Variants in CLSTN2 observed in about 807,000 individuals in gnomAD.
The protein encoded by CLSTN2 is calsyntenin-2.
CLSTN2 carries 48 observed loss-of-function variants against 101.2 expected under a neutral mutation model. That is an observed-to-expected ratio of 0.47 (90% CI 0.38 to 0.60). The LOEUF (loss-of-function observed/expected upper bound fraction) is 0.60. Among genes scored for constraint, CLSTN2 ranks in the 20% least tolerant of loss-of-function variants. CLSTN2 has a pLI of 0.00. For synonymous variants in CLSTN2, 481 were observed against 463.6 expected, an observed-to-expected ratio of 1.04 and a Z score of -0.48; for missense variants, 1,160 against 1,238.2, an observed-to-expected ratio of 0.94 and a Z score of 0.95.
intron 8 of CLSTN2, among the ~76,000 whole-genome samples, chr3:140,502,438 CTTAGGCATGCAGAAGCCACCA>C (rs1266579498): frequency 2.0e-5 from 3 of 152,196 alleles, no homozygotes; most frequent in South Asian, 4.1e-4. Context: ...CTTGGGGAGT[CTTAGGCATGCAGAAGCCACCA>C]AGCAGAGGTG....
intron 2 of CLSTN2, among the ~76,000 whole-genome samples, chr3:140,387,644 G>A (rs954661247): frequency 6.6e-6 from 1 of 151,986 alleles, no homozygotes; most frequent in Non-Finnish European, 1.5e-5. Context: ...GCAGGTATGG[G>A]GTTACAGAAA....
chr3:140,563,201 C>T lies in CLSTN2; in HGVS notation c.2480C>T (p.Ser827Leu), dbSNP rs1320967028. ...TCCCGGAGTAGCATCCAGCACAGTT[C>T]AGGTAGGGTGCCCAAGAGGAGGGAC... The part of the protein sequence containing the change: ...PESRSSIQHS[S>L]VVPSIATVVI... Residue 827 changes from serine (S) to leucine (L), a missense_variant and splice_region_variant, in exon 15 of 17, where the codon TCA becomes TTA. Physicochemically the swap from Ser to Leu is moderately radical, Grantham distance 145 (BLOSUM62 -2). Coordinates refer to ENST00000458420, the MANE Select transcript of CLSTN2 (RefSeq NM_022131.3). 6.2e-7 allele frequency: 1 copy of T among 1,613,636 alleles called. No homozygotes were observed. Among genetic ancestry groups the T allele is most frequent in the Non-Finnish European group, 8.5e-7 (1 of 1,179,840 alleles).
intron 1 of CLSTN2, among the ~76,000 whole-genome samples, chr3:140,162,207 C>G (rs1329292292): frequency 1.3e-5 from 2 of 152,092 alleles, no homozygotes; most frequent in Non-Finnish European, 2.9e-5. Flanking sequence ...CTTGTGAACC[C>G]CTGAAAGGGT....
chr3:139,982,650 C>T (rs1935950516), intron 1 of CLSTN2, among the ~76,000 whole-genome samples: 2 of 152,164 alleles, frequency 1.3e-5, no homozygotes, highest in African/African-American at 2.4e-5. Context: ...TCTGTAGTTT[C>T]ACTGTGTTGC....
intron 6 of CLSTN2, among the ~76,000 whole-genome samples, chr3:140,457,087 G>A (rs755259191): frequency 7.9e-5 from 12 of 152,180 alleles, no homozygotes; most frequent in Non-Finnish European, 1.8e-4. Flanking sequence ...AGGACCCTCT[G>A]GTGGTGGAGT....
intron 2 of CLSTN2, among the ~76,000 whole-genome samples, chr3:140,190,797 A>G (rs1248462113): frequency 6.6e-6 from 1 of 152,108 alleles, no homozygotes. Flanking sequence ...GCTGAATTTA[A>G]TAGTTCTAGA....
At chr3:140,215,821 G>C (rs1209960405) in intron 2 of CLSTN2, among the ~76,000 whole-genome samples, 1 of 152,200 alleles carries the variant, frequency 6.6e-6, no homozygotes, top group African/African-American at 2.4e-5. Context: ...GCTTAAAACA[G>C]TGCTTGACAT....
At chr3:140,405,081 C>T (rs2088287744) in intron 4 of CLSTN2, among the ~76,000 whole-genome samples, 1 of 152,148 alleles carries the variant, frequency 6.6e-6, no homozygotes, top group East Asian at 1.9e-4. Flanking sequence ...CAGTTGTCAT[C>T]CAGATGTGAG....
intron 1 of CLSTN2, among the ~76,000 whole-genome samples, chr3:140,084,191 G>A (rs146242345): frequency 7.6e-4 from 116 of 152,226 alleles, no homozygotes; most frequent in Non-Finnish European, 1.4e-3. Flanking sequence ...TACATCTCCC[G>A]TGTGCCCTCC....
At chr3:140,242,936 C>T (rs1183396582) in intron 2 of CLSTN2, among the ~76,000 whole-genome samples, 1 of 152,240 alleles carries the variant, frequency 6.6e-6, no homozygotes, top group Non-Finnish European at 1.5e-5. Context: ...CTCATGGCTA[C>T]TGCACTTCCT....
At position 140,311,287 on chromosome 3, in the gene CLSTN2, C is replaced by CTTTTTTTTTTTTTTTTTTTTTTTTTTT. The variant is rs750088450; in HGVS notation, c.233-92332_233-92306dup. Among the ~76,000 whole-genome samples, 2 of 52,080 alleles carry CTTTTTTTTTTTTTTTTTTTTTTTTTTT rather than the reference C, an allele frequency of 3.8e-5. 1 individual carries two copies. The highest frequency in any genetic ancestry group is 6.4e-5 in the Non-Finnish European group (2 of 31,434). The allele number at this position is 52,080 out of a possible 152,430, so 34.2% of individuals were successfully genotyped here. A position where few individuals can be genotyped will look rare whatever the true frequency, so the allele number is the denominator to read the frequency against. ...ATAATAACAGCTAAGGTTTATTATC[C>CTTTTTTTTTTTTTTTTTTTTTTTTTTT]TTTTTTTTTTTTTTTTTTTTTTTTT... On this transcript the variant is annotated intron_variant, in intron 2 of 16. Coordinates refer to ENST00000458420, the MANE Select transcript of CLSTN2 (RefSeq NM_022131.3).
chr3:140,312,259 C>T (rs761880616), intron 2 of CLSTN2, among the ~76,000 whole-genome samples: 5 of 152,242 alleles, frequency 3.3e-5, no homozygotes, highest in Non-Finnish European at 7.3e-5. Flanking sequence ...TTACACAAAA[C>T]TAAGCGACTT....
At chr3:140,500,503 G>A (rs1219978438) in intron 8 of CLSTN2, among the ~76,000 whole-genome samples, 4 of 152,186 alleles carry the variant, frequency 2.6e-5, no homozygotes, top group Non-Finnish European at 4.4e-5. Flanking sequence ...AAGAAATTGG[G>A]ATGTTTCTGA....
intron 8 of CLSTN2, among the ~76,000 whole-genome samples, chr3:140,502,312 T>C (rs1040895033): frequency 1.3e-5 from 2 of 152,196 alleles, no homozygotes; most frequent in Admixed American, 6.5e-5. Flanking sequence ...CTTGTGGGGC[T>C]GAGCAGTGAA....
chr3:140,477,213 A>T (rs1934007355), intron 8 of CLSTN2, among the ~76,000 whole-genome samples: 1 of 152,208 alleles, frequency 6.6e-6, no homozygotes, highest in Non-Finnish European at 1.5e-5. Context: ...ATATTGCTGC[A>T]CTTACTACTC....
intron 1 of CLSTN2, among the ~76,000 whole-genome samples, chr3:139,972,774 C>A (rs533963968): frequency 6.6e-6 from 1 of 152,222 alleles, no homozygotes; most frequent in East Asian, 1.9e-4. Flanking sequence ...CTGCCTTCCG[C>A]CAGGAAGAAG....
At chr3:140,457,206 G>A (rs1343514700) in intron 6 of CLSTN2, among the ~76,000 whole-genome samples, 1 of 152,178 alleles carries the variant, frequency 6.6e-6, no homozygotes, top group African/African-American at 2.4e-5. Context: ...TCTGCACCGG[G>A]CCCTGCTAGA....
chr3:140,066,104 A>G (rs1460931374), intron 1 of CLSTN2, among the ~76,000 whole-genome samples: 1 of 152,228 alleles, frequency 6.6e-6, no homozygotes, highest in Non-Finnish European at 1.5e-5. Context: ...AGTGACAGAG[A>G]TGAGCTTTGC....
intron 12 of CLSTN2, among the ~76,000 whole-genome samples, chr3:140,559,330 G>A (rs150765147): frequency 0.012 from 1,817 of 152,076 alleles, 11 homozygotes; most frequent in Middle Eastern, 0.041. Flanking sequence ...GTAATCAGAA[G>A]AAAAGCTAAA....
Sources: allele counts gnomAD v4.1 joint callset (sites outside exome capture counted in the v4.1 genomes callset), GRCh38; gene constraint gnomAD v4.1.1; transcripts MANE v1.5; gene names NCBI Gene and HGNC (gene_info 2026-07-23, HGNC 2026-07-21).